Variants in ERC2 observed in about 807,000 individuals in gnomAD.
ERC2 encodes ELKS/RAB6-interacting/CAST family member 2.
In ERC2, 42 loss-of-function variants were observed where a neutral mutation model predicts 114.8. The ratio of observed to expected loss-of-function variants is 0.37; its 90% CI spans 0.29 to 0.47. The LOEUF (loss-of-function observed/expected upper bound fraction) is 0.47, where lower values mean the gene tolerates loss of function less well. Among genes scored for constraint, ERC2 ranks in the 20% least tolerant of loss-of-function variants. The pLI is 0.99. For missense variants in ERC2, 939 were observed against 1,150.7 expected (o/e 0.82, Z 2.66); for synonymous variants, 454 against 425.5 (o/e 1.07, Z -0.82).
chr3:55,754,605 T>TTA (rs562311430), intron 14 of ERC2, among the ~76,000 whole-genome samples: 3 of 94,156 alleles, frequency 3.2e-5, no homozygotes, highest in Admixed American at 3.0e-4. Context: ...CATTCTTACA[T>TTA]AAAAAAAAAA....
At chr3:55,718,665 G>A (rs2064265919) in intron 15 of ERC2, among the ~76,000 whole-genome samples, 1 of 152,180 alleles carries the variant, frequency 6.6e-6, no homozygotes, top group Non-Finnish European at 1.5e-5. Context: ...TCAGAAGGAT[G>A]CTCTGCCTGC....
intron 2 of ERC2, among the ~76,000 whole-genome samples, chr3:56,310,907 C>A (rs2056498733): frequency 6.6e-6 from 1 of 151,724 alleles, no homozygotes; most frequent in Non-Finnish European, 1.5e-5. Flanking sequence ...TTCAGTTTTA[C>A]TACTGATTTA....
intron 17 of ERC2, among the ~76,000 whole-genome samples, chr3:55,536,638 TAA>T (rs2054016909): frequency 6.6e-6 from 1 of 152,210 alleles, no homozygotes; most frequent in South Asian, 2.1e-4. Context: ...GAAACTTATT[TAA>T]AGAGTTTCGT....
intron 2 of ERC2, among the ~76,000 whole-genome samples, chr3:56,342,955 C>T (rs552528475): frequency 6.6e-6 from 1 of 152,234 alleles, no homozygotes; most frequent in African/African-American, 2.4e-5. Flanking sequence ...AGCCCCTCAG[C>T]CTGTCTCTGC....
At chr3:55,954,846 A>C (rs947604808) in intron 12 of ERC2, among the ~76,000 whole-genome samples, 36 of 152,016 alleles carry the variant, frequency 2.4e-4, no homozygotes, top group African/African-American at 8.4e-4. Context: ...ACATGTGCAC[A>C]AATATATATA....
chr3:56,184,877 C>T (rs1231150241), intron 3 of ERC2, among the ~76,000 whole-genome samples: 1 of 152,124 alleles, frequency 6.6e-6, no homozygotes, highest in African/African-American at 2.4e-5. Context: ...TGGAAAACCT[C>T]ATGGAAGAGT....
chr3:55,820,452 A>G (rs1317803349), intron 14 of ERC2, among the ~76,000 whole-genome samples: 1 of 152,186 alleles, frequency 6.6e-6, no homozygotes, highest in East Asian at 1.9e-4. Context: ...TGTCACAGAA[A>G]TCAACTCACG....
intron 5 of ERC2, among the ~76,000 whole-genome samples, chr3:56,145,382 T>C (rs1278979922): frequency 6.6e-6 from 1 of 152,114 alleles, no homozygotes; most frequent in African/African-American, 2.4e-5. Flanking sequence ...CAAAGCCTTA[T>C]ACAGAAAGGA....
chr3:55,549,134 C>T (rs540925139), intron 17 of ERC2, among the ~76,000 whole-genome samples: 24 of 152,274 alleles, frequency 1.6e-4, no homozygotes, highest in Admixed American at 5.9e-4. Context: ...CTGAATTTGG[C>T]TGCATAAGAC....
At chr3:56,349,452 T>C (rs1368198505) in intron 2 of ERC2, among the ~76,000 whole-genome samples, 1 of 152,200 alleles carries the variant, frequency 6.6e-6, no homozygotes, top group African/African-American at 2.4e-5. Context: ...TAAGAAACTA[T>C]GCCCTTTTAA....
At chr3:55,804,687 G>A (rs765698004) in intron 14 of ERC2, among the ~76,000 whole-genome samples, 26 of 152,138 alleles carry the variant, frequency 1.7e-4, no homozygotes, top group African/African-American at 3.1e-4. Flanking sequence ...CTGTAACTCC[G>A]CCCTCCGGTG....
intron 1 of ERC2, among the ~76,000 whole-genome samples, chr3:56,438,942 T>C (rs972833975): frequency 5.9e-5 from 9 of 152,274 alleles, no homozygotes; most frequent in Non-Finnish European, 1.2e-4. Flanking sequence ...TATTATCATG[T>C]TTGAAATATT....
At chr3:55,771,015 TG>T (rs2068161615) in intron 14 of ERC2, among the ~76,000 whole-genome samples, 1 of 152,254 alleles carries the variant, frequency 6.6e-6, no homozygotes, top group African/African-American at 2.4e-5. Context: ...ATGGTGTATA[TG>T]TGCCACATTT....
intron 2 of ERC2, among the ~76,000 whole-genome samples, chr3:56,341,588 C>CA (rs111538851): frequency 3.3e-3 from 450 of 135,142 alleles, no homozygotes; most frequent in East Asian, 6.5e-3. Context: ...CTTTTAGGGG[C>CA]AAAAAAAAAA....
chr3:55,579,637 C>T (rs1247103962), intron 17 of ERC2, among the ~76,000 whole-genome samples: 2 of 152,254 alleles, frequency 1.3e-5, no homozygotes, highest in South Asian at 2.1e-4. Context: ...AAATATACAG[C>T]GCATGCTGTG....
At chr3:56,387,804 G>C (rs1304896630) in intron 2 of ERC2, among the ~76,000 whole-genome samples, 2 of 152,102 alleles carry the variant, frequency 1.3e-5, no homozygotes, top group Non-Finnish European at 2.9e-5. Context: ...ATGCTAAAGA[G>C]ACATGATTGG....
At chr3:55,826,082 G>A (rs546680244) in intron 14 of ERC2, among the ~76,000 whole-genome samples, 2 of 152,204 alleles carry the variant, frequency 1.3e-5, no homozygotes, top group Non-Finnish European at 2.9e-5. Flanking sequence ...TACAAAAACC[G>A]CAGAGCTTCA....
intron 3 of ERC2, among the ~76,000 whole-genome samples, chr3:56,266,538 T>A (rs1268777000): frequency 6.6e-6 from 1 of 152,110 alleles, no homozygotes; most frequent in Non-Finnish European, 1.5e-5. Flanking sequence ...CTAATCATGA[T>A]GGAAATAACA....
chr3:56,459,225 T>C (rs533242803), intron 1 of ERC2, among the ~76,000 whole-genome samples: 54 of 152,280 alleles, frequency 3.5e-4, no homozygotes, highest in African/African-American at 1.2e-3. Context: ...AGGTTCAATT[T>C]CTTATAGGAA....
Sources: allele counts gnomAD v4.1 joint callset (sites outside exome capture counted in the v4.1 genomes callset), GRCh38; gene constraint gnomAD v4.1.1; transcripts MANE v1.5; gene names NCBI Gene and HGNC (gene_info 2026-07-23, HGNC 2026-07-21).